The following TTLL13 variants were observed in gnomAD, a reference collection of about 807,000 sequenced individuals.
TTLL13 encodes tubulin polyglutamylase TTLL13.
At chr15:90,259,379 G>A in the TTLL13 span, among the ~76,000 whole-genome samples, 3 of 150,830 alleles carry the variant, frequency 2.0e-5, no homozygotes, top group African/African-American at 7.3e-5. Flanking sequence ...AACAGAGTGA[G>A]ACCCTGTTTC....
At chr15:90,259,166 C>T in the TTLL13 span, 1 of 702,636 alleles carries the variant, frequency 1.4e-6, no homozygotes, top group Non-Finnish European at 2.1e-6. Context: ...AGTTCAACAC[C>T]AGACTGGGCA....
At chr15:90,257,182 C>A in the TTLL13 span, 83 of 1,613,992 alleles carry the variant, frequency 5.1e-5, 1 homozygote, top group South Asian at 8.6e-4. Flanking sequence ...GAGTCTACGT[C>A]CTGATCACAT....
the TTLL13 span, chr15:90,257,418 G>A: frequency 3.8e-6 from 5 of 1,317,584 alleles, no homozygotes; most frequent in African/African-American, 1.5e-5. Context: ...ATCTAGCTGG[G>A]AGGCAAGTGT....
At chr15:90,256,366 A>T in the TTLL13 span, 5 of 1,594,150 alleles carry the variant, frequency 3.1e-6, no homozygotes, top group Non-Finnish European at 4.3e-6. Context: ...CTCTCCCAAA[A>T]GCCAGGGAGG....
the TTLL13 span, chr15:90,258,732 C>T: frequency 6.2e-7 from 1 of 1,613,122 alleles, no homozygotes; most frequent in African/African-American, 1.3e-5. Context: ...TATAATGACT[C>T]CTCCTGGCAG....
At chr15:90,252,578 C>T in the TTLL13 span, among the ~76,000 whole-genome samples, 1 of 152,160 alleles carries the variant, frequency 6.6e-6, no homozygotes, top group Non-Finnish European at 1.5e-5. Flanking sequence ...CAATCTCCAG[C>T]TAGGTCCTTC....
At chr15:90,263,272 T>G in the TTLL13 span, 1 of 843,902 alleles carries the variant, frequency 1.2e-6, no homozygotes, top group Non-Finnish European at 1.8e-6. Context: ...GAAAGCAGAG[T>G]GCGCTAGCTG....
the TTLL13 span, chr15:90,264,603 T>A: frequency 1.7e-6 from 2 of 1,185,452 alleles, no homozygotes; most frequent in East Asian, 5.1e-5. Context: ...GGAAAGACAG[T>A]GGAGGGAAGC....
At chr15:90,264,706 T>G in the TTLL13 span, 3 of 1,535,148 alleles carry the variant, frequency 2.0e-6, no homozygotes, top group Non-Finnish European at 2.6e-6. Context: ...GGGACATCCA[T>G]GTTTCCACTG....
the TTLL13 span, chr15:90,262,914 G>GT: frequency 2.6e-6 from 4 of 1,511,562 alleles, no homozygotes; most frequent in Non-Finnish European, 3.5e-6. Flanking sequence ...CTGGGTGATG[G>GT]TTTGGGACTT....
chr15:90,255,655 C>T, the TTLL13 span: 48 of 1,550,886 alleles, frequency 3.1e-5, no homozygotes, highest in Non-Finnish European at 4.0e-5. Context: ...TGTGACTTCT[C>T]CCTTAACCTT....
the TTLL13 span, chr15:90,253,319 A>G: frequency 1.9e-6 from 3 of 1,613,358 alleles, no homozygotes; most frequent in African/African-American, 2.7e-5. Flanking sequence ...TGTACTGGAC[A>G]GACTGCGCTG....
the TTLL13 span, among the ~76,000 whole-genome samples, chr15:90,254,188 G>GTTGTT: frequency 5.8e-5 from 6 of 104,040 alleles, no homozygotes; most frequent in African/African-American, 2.9e-4. Context: ...GTGAGACCCT[G>GTTGTT]TTTTTTTTTT....
chr15:90,263,156 C>T, the TTLL13 span: 1 of 1,515,726 alleles, frequency 6.6e-7, no homozygotes. Flanking sequence ...GTGAGGGTCC[C>T]TGTGAAGTCT....
At chr15:90,257,606 G>A in the TTLL13 span, 1 of 1,607,230 alleles carries the variant, frequency 6.2e-7, no homozygotes, top group Non-Finnish European at 8.5e-7. Flanking sequence ...CATGCAGACA[G>A]TCTGAGACCA....
At chr15:90,258,596 T>G in the TTLL13 span, 2 of 683,798 alleles carry the variant, frequency 2.9e-6, no homozygotes, top group Admixed American at 5.2e-5. Flanking sequence ...ATGGCAGAGT[T>G]TTGTGGCCTT....
chr15:90,257,420 G>A, the TTLL13 span: 5 of 1,316,694 alleles, frequency 3.8e-6, no homozygotes, highest in South Asian at 4.4e-5. Context: ...CTAGCTGGGA[G>A]GCAAGTGTTT....
At chr15:90,250,721 A>G in the TTLL13 span, 1 of 1,614,180 alleles carries the variant, frequency 6.2e-7, no homozygotes, top group Non-Finnish European at 8.5e-7. Flanking sequence ...GGGAGTTACC[A>G]ACCCCTCTAA....
the TTLL13 span, chr15:90,258,727 T>G: frequency 6.2e-7 from 1 of 1,612,096 alleles, no homozygotes. Flanking sequence ...GGGTGTATAA[T>G]GACTCCTCCT....
Sources: gnomAD v4.1 joint callset for allele counts (sites outside exome capture counted in the v4.1 genomes callset) on GRCh38, gnomAD v4.1.1 for gene constraint, MANE v1.5 for transcripts, NCBI Gene and HGNC (gene_info 2026-07-23, HGNC 2026-07-21) for gene names.